ISOC1: variants seen among roughly 807,000 people sequenced by gnomAD.
The protein encoded by ISOC1 is isochorismatase domain containing 1.
In ISOC1, 33 loss-of-function variants were observed where a neutral mutation model predicts 30.0. That is an observed-to-expected ratio of 1.10 (90% CI 0.83 to 1.47). The LOEUF (loss-of-function observed/expected upper bound fraction) is 1.47. ISOC1 is among the 40% of genes most tolerant of loss of function. The pLI is 0.00. For synonymous variants in ISOC1, 178 were observed against 159.8 expected, an observed-to-expected ratio of 1.11 and a Z score of -0.86; for missense variants, 372 against 388.0, an observed-to-expected ratio of 0.96 and a Z score of 0.35.
At chr5:129,111,578 T>C (rs1753709637) in intron 4 of ISOC1, among the ~76,000 whole-genome samples, 1 of 152,190 alleles carries the variant, frequency 6.6e-6, no homozygotes, top group African/African-American at 2.4e-5. Context: ...ACTTCCTCTT[T>C]CATGCTTTTT....
At chr5:129,098,971 TC>T (rs2150170225) in intron 1 of ISOC1, among the ~76,000 whole-genome samples, 1 of 152,088 alleles carries the variant, frequency 6.6e-6, no homozygotes, top group Admixed American at 6.5e-5. Context: ...AACCTTTGCC[TC>T]AGGAGCGTGG....
At position 129,105,373 on chromosome 5, in the gene ISOC1, A is replaced by G. The variant is rs966198791; in HGVS notation, c.618A>G (p.Val206=). The change falls in exon 3 of 5, where the codon GTA becomes GTG. Residue 206 remains valine (V), a synonymous_variant. Coordinates refer to ENST00000173527, the MANE Select transcript of ISOC1 (RefSeq NM_016048.2). ...LAEIPGVRSV[V]LFGVETHVCI... is the part of the protein sequence containing the mutation. ...AGATTCCCGGAGTCAGGAGTGTTGT[A>G]TTATTTGGAGTAGAAGTAAGTACCT... is the stretch of plus-strand genomic sequence containing the variant. 9.3e-6 allele frequency: 15 copies of G among 1,613,286 alleles called. No individual in the cohort carries two copies. Among genetic ancestry groups the G allele is most frequent in the Non-Finnish European group, 1.3e-5 (15 of 1,179,484 alleles).
intron 4 of ISOC1, among the ~76,000 whole-genome samples, chr5:129,107,534 A>G (rs967804568): frequency 6.6e-6 from 1 of 152,210 alleles, no homozygotes; most frequent in Non-Finnish European, 1.5e-5. Context: ...CATCACAACA[A>G]TAAAAATAAA....
intron 1 of ISOC1, among the ~76,000 whole-genome samples, chr5:129,101,192 A>AATATGTATAT (rs1753567953): frequency 2.4e-5 from 1 of 42,240 alleles, no homozygotes; most frequent in East Asian, 8.4e-4. Context: ...AAAAAAAAAA[A>AATATGTATAT]ATATATATAT....
chr5:129,106,861 G>C (rs1753643654), intron 3 of ISOC1, 85 bp from the exon 4 acceptor site: 2 of 926,716 alleles, frequency 2.2e-6, no homozygotes, highest in Non-Finnish European at 3.4e-6. Flanking sequence ...GTAGTGCTCT[G>C]TCTGCTTTAT....
In ISOC1 at chr5:129,113,158, C is replaced by T. The variant is rs1580791548; in HGVS notation, c.*157C>T. 5.5e-6 allele frequency: 3 copies of T among 550,304 alleles called. No individual in the cohort carries two copies. The East Asian group carries it at 9.2e-5, about 17-fold the overall frequency. The allele number at this position is 550,304 out of a possible 1,614,324, so 34.1% of individuals were successfully genotyped here. Reference sequence around the variant, plus strand: ...CCTAGTGAAACTTAACCAGCTAGACCATTTGAGTACCAGCATTTAGTTACA... The same window carrying T: ...CCTAGTGAAACTTAACCAGCTAGACTATTTGAGTACCAGCATTTAGTTACA... On this transcript the variant is annotated 3_prime_UTR_variant, in exon 5 of 5. Transcript: ENST00000173527.
At chr5:129,099,505 A>G (rs1167219359) in intron 1 of ISOC1, among the ~76,000 whole-genome samples, 1 of 152,246 alleles carries the variant, frequency 6.6e-6, no homozygotes, top group Non-Finnish European at 1.5e-5. Flanking sequence ...CCTAAATTAA[A>G]AAGTCCCTGA....
At chr5:129,095,154 C>T (rs1580784534) in intron 1 of ISOC1, 79 bp downstream of exon 1, 6 of 1,387,888 alleles carry the variant, frequency 4.3e-6, no homozygotes, top group Non-Finnish European at 5.7e-6. Context: ...CTTCGCCGCG[C>T]TCCTCAGGTG....
chr5:129,110,643 C>G (rs1310357335), intron 4 of ISOC1, among the ~76,000 whole-genome samples: 1 of 142,670 alleles, frequency 7.0e-6, no homozygotes, highest in Non-Finnish European at 1.5e-5. Flanking sequence ...CCCACTCTGC[C>G]CCTGCTATGG....
Position 129,106,949 on chromosome 5 carries a change from C to A in ISOC1, c.637C>A (p.His213Asn). The A allele has an allele frequency of 6.2e-7, 1 of 1,611,034 alleles. No individual in the cohort carries two copies. The highest frequency in any genetic ancestry group is 1.1e-5 in the South Asian group (1 of 90,980). The change falls in exon 4 of 5, where the codon CAT becomes AAT. Residue 213 changes from histidine to asparagine, a missense_variant. Physicochemically the swap from His to Asn is moderately conservative, Grantham distance 68. Transcript: ENST00000173527. ...GATTCTTGTACTTTCCTACTAGACT[C>A]ATGTGTGCATCCAACAAACTGCCCT... ...RSVVLFGVET[H>N]VCIQQTALEL...
intron 3 of ISOC1, among the ~76,000 whole-genome samples, chr5:129,105,783 G>T (rs530402110): frequency 2.0e-5 from 3 of 152,200 alleles, no homozygotes; most frequent in East Asian, 3.9e-4. Flanking sequence ...TCATATTTTT[G>T]TGCTAGAAGA....
At chr5:129,100,835 G>C (rs993743898) in intron 1 of ISOC1, among the ~76,000 whole-genome samples, 1 of 151,422 alleles carries the variant, frequency 6.6e-6, no homozygotes, top group African/African-American at 2.4e-5. Context: ...GTATGTTTTT[G>C]GTAGCCACAA....
Position 129,112,458 on chromosome 5 carries a change from C to G in ISOC1, c.751-397C>G, listed in dbSNP as rs73784861. Among the ~76,000 whole-genome samples the G allele has an allele frequency of 3.9e-3, 590 of 152,268 alleles. 1 individual carries two copies. Among genetic ancestry groups the G allele is most frequent in the African/African-American group, 0.013 (552 of 41,554 alleles). The stretch of plus-strand genomic sequence containing the variant: ...GAATGAGTAAGACATGAAGCACAAA[C>G]CTGCCAGGAGTGTTCAGGAAATAGC... On this transcript the variant is annotated intron_variant, in intron 4 of 4. Coordinates refer to ENST00000173527, the MANE Select transcript of ISOC1 (RefSeq NM_016048.2).
chr5:129,112,778 C>T, intron 4 of ISOC1, 77 bp from the exon 5 acceptor site: 1 of 1,473,648 alleles, frequency 6.8e-7, no homozygotes, highest in Non-Finnish European at 9.3e-7. Flanking sequence ...TATTGCATCC[C>T]AGCATAGTGT....
chr5:129,094,944 G>C lies in ISOC1; in HGVS notation c.178G>C (p.Asp60His). 1.2e-6 allele frequency: 2 copies of C among 1,612,160 alleles called. No individual in the cohort carries two copies. Among genetic ancestry groups the C allele is most frequent in the East Asian group, 2.2e-5 (1 of 44,846 alleles). Reference protein sequence around the residue: ...LIQKFLSLYGDQIDMHRKFVV... With the variant: ...LIQKFLSLYGHQIDMHRKFVV... Reference sequence around the variant, plus strand: ...CCAGAAGTTCCTCAGCCTGTACGGCGACCAGATCGACATGCACCGCAAATT... The same window carrying C: ...CCAGAAGTTCCTCAGCCTGTACGGCCACCAGATCGACATGCACCGCAAATT... Residue 60 changes from aspartate (D) to histidine (H), a missense_variant, in exon 1 of 5, where the codon GAC becomes CAC. Asp to His is a moderately conservative substitution (Grantham distance 81, BLOSUM62 -1). Transcript: ENST00000173527.
chr5:129,100,781 G>A lies in ISOC1; in HGVS notation c.310-4175G>A, dbSNP rs547291754. On this transcript the variant is annotated intron_variant, in intron 1 of 4. Coordinates refer to ENST00000173527, the MANE Select transcript of ISOC1 (RefSeq NM_016048.2). Reference sequence around the variant, plus strand: ...CTGTTGGAATTCATGTGGATTTGGGGTGAGGATTTGGGAGGATTGGTTGGA... The same window carrying A: ...CTGTTGGAATTCATGTGGATTTGGGATGAGGATTTGGGAGGATTGGTTGGA... Among the ~76,000 whole-genome samples, 24 of 152,172 alleles carry A rather than the reference G, an allele frequency of 1.6e-4. No homozygotes were observed. The South Asian group carries it at 4.6e-3, about 29-fold the overall frequency.
intron 1 of ISOC1, among the ~76,000 whole-genome samples, chr5:129,096,257 A>G (rs1028817672): frequency 6.6e-6 from 1 of 152,230 alleles, no homozygotes; most frequent in Non-Finnish European, 1.5e-5. Context: ...ATTGTTAACT[A>G]TAGTCACGCT....
At chr5:129,098,396 G>T (rs1371135833) in intron 1 of ISOC1, among the ~76,000 whole-genome samples, 1 of 152,194 alleles carries the variant, frequency 6.6e-6, no homozygotes, top group Non-Finnish European at 1.5e-5. Context: ...AAATGCTTGA[G>T]ATCTGATGAA....
chr5:129,112,479 A>G (rs185645551), intron 4 of ISOC1, among the ~76,000 whole-genome samples: 1 of 152,320 alleles, frequency 6.6e-6, no homozygotes, highest in African/African-American at 2.4e-5. Flanking sequence ...TGTTCAGGAA[A>G]TAGCAGCAAC....
Sources: allele counts gnomAD v4.1 joint callset (sites outside exome capture counted in the v4.1 genomes callset), GRCh38; gene constraint gnomAD v4.1.1; transcripts MANE v1.5; gene names NCBI Gene and HGNC (gene_info 2026-07-23, HGNC 2026-07-21).